TRPV3: variants seen among roughly 807,000 people sequenced by gnomAD.
The protein encoded by TRPV3 is VRL-3.
In TRPV3, 88 loss-of-function variants were observed where a neutral mutation model predicts 87.1. The ratio of observed to expected loss-of-function variants is 1.01; its 90% CI spans 0.85 to 1.21. The LOEUF is 1.21. Ranked by LOEUF, TRPV3 falls within the 50% of genes most tolerant of loss-of-function variation. The pLI, the probability that TRPV3 is intolerant of heterozygous loss-of-function variation, is 0.00. For synonymous variants in TRPV3, 438 were observed against 423.3 expected, an observed-to-expected ratio of 1.03 and a Z score of -0.43; for missense variants, 1,054 against 1,030.1, an observed-to-expected ratio of 1.02 and a Z score of -0.32.
intron 1 of TRPV3, among the ~76,000 whole-genome samples, chr17:3,555,732 G>A (rs1009090221): frequency 3.3e-5 from 5 of 152,210 alleles, no homozygotes; most frequent in Non-Finnish European, 7.3e-5. Context: ...GGAAGGACAA[G>A]CCGGGCAGAG....
At position 3,532,718 on chromosome 17, in the gene TRPV3, G is replaced by T; in HGVS notation, c.1004C>A (p.Thr335Asn). The T allele has an allele frequency of 1.2e-6, 2 of 1,614,258 alleles. No individual in the cohort carries two copies. Among genetic ancestry groups the T allele is most frequent in the Non-Finnish European group, 1.7e-6 (2 of 1,180,048 alleles). Reference protein sequence around the residue: ...LLRSGNWELETTRNNDGLTPL... With the variant: ...LLRSGNWELENTRNNDGLTPL... ...CGTGAGGCCATCGTTGTTGCGAGTG[G>T]TCTCCAGCTCCCAGTTGCCACTCCG... Residue 335 changes from threonine to asparagine, a missense_variant, in exon 8 of 18, where the codon ACC becomes AAC. Transcript: ENST00000576742.
intron 6 of TRPV3, among the ~76,000 whole-genome samples, chr17:3,538,166 G>A (rs1017970664): frequency 4.0e-5 from 6 of 151,630 alleles, no homozygotes; most frequent in African/African-American, 1.5e-4. Context: ...ACTCCAGCCT[G>A]GGCAATAGAG....
At chr17:3,554,487 C>A (rs907418377) in intron 2 of TRPV3, 2 of 398,020 alleles carry the variant, frequency 5.0e-6, no homozygotes, top group Admixed American at 9.0e-5. Context: ...CTCAGCACCC[C>A]CGATCCCTCC....
In TRPV3 at chr17:3,556,777, C is replaced by T. The variant is rs763569826; in HGVS notation, c.-3+899G>A. 4.6e-5 allele frequency among the ~76,000 whole-genome samples: 7 copies of T among 152,124 alleles called. No individual in the cohort carries two copies. Among genetic ancestry groups the T allele is most frequent in the African/African-American group, 1.4e-4 (6 of 41,440 alleles). Reference sequence around the variant, plus strand: ...CCACAGAGAGGGACTCCTGGGCACCCGGCCCTCCCGTGTCCAGTCACGGCC... The same window carrying T: ...CCACAGAGAGGGACTCCTGGGCACCTGGCCCTCCCGTGTCCAGTCACGGCC... On this transcript the variant is annotated intron_variant, in intron 1 of 17. Transcript: ENST00000576742. This position sits in a 1 kb window ranked among gnomAD's most constrained non-coding sequence, Gnocchi z 4.2.
At chr17:3,525,166 CCCG>C (rs543466872) in intron 12 of TRPV3, among the ~76,000 whole-genome samples, 1 of 129,028 alleles carries the variant, frequency 7.8e-6, no homozygotes, top group South Asian at 2.6e-4. Flanking sequence ...ATTACAGGCA[CCCG>C]CCACCACACC....
chr17:3,548,626 G>T lies in TRPV3; in HGVS notation c.120-3355C>A, dbSNP rs1182370760. Among the ~76,000 whole-genome samples, 4 of 152,382 alleles carry T rather than the reference G, an allele frequency of 2.6e-5. No individual in the cohort carries two copies. In the East Asian group the frequency reaches 7.7e-4, roughly 29 times the overall value. ...CGCTAATCCAGAAATGGGGATACAT[G>T]GGGTGGAGGGCAGTACTGGCTGCCA... is the stretch of plus-strand genomic sequence containing the variant. On this transcript the variant is annotated intron_variant, in intron 2 of 17. Transcript: ENST00000576742.
chr17:3,544,480 G>A, intron 4 of TRPV3, 99 bp downstream of exon 4: 3 of 715,888 alleles, frequency 4.2e-6, no homozygotes. Context: ...CCCCAGGAAT[G>A]GTGGATTCTT....
chr17:3,552,326 T>C, intron 2 of TRPV3: 1 of 152,190 alleles, frequency 6.6e-6, no homozygotes, highest in Non-Finnish European at 1.5e-5. Flanking sequence ...CCCAAGTAAC[T>C]GGGACTATAG....
rs1024019581 is a variant in TRPV3, at chr17:3,545,156, C to T, written c.224+11G>A. 12 of 1,607,082 alleles carry T rather than the reference C, an allele frequency of 7.5e-6. No individual in the cohort carries two copies. The highest frequency in any genetic ancestry group is 4.0e-5 in the African/African-American group (3 of 74,814). ...CCCAGGGCAAGGGGTTGGGCTGGGG[C>T]CCGTACTCACCACTGCCGGATGTTG... On this transcript the variant is annotated intron_variant, in intron 3 of 17. Coordinates refer to ENST00000576742, the MANE Select transcript of TRPV3 (RefSeq NM_145068.4).
Position 3,524,181 on chromosome 17 carries a change from C to T in TRPV3, c.1743+17G>A, listed in dbSNP as rs370858078. 3.1e-4 allele frequency: 494 copies of T among 1,611,772 alleles called. No individual in the cohort carries two copies. Among genetic ancestry groups the T allele is most frequent in the Non-Finnish European group, 3.6e-4 (429 of 1,178,650 alleles). On this transcript the variant is annotated intron_variant, in intron 13 of 17. Coordinates refer to ENST00000576742, the MANE Select transcript of TRPV3 (RefSeq NM_145068.4). Reference sequence around the variant, plus strand: ...CATCCTCCGAGGGCCCTCCCGCCGGCGCAGCTCTCAACGCACCTTCTGGAT... The same window carrying T: ...CATCCTCCGAGGGCCCTCCCGCCGGTGCAGCTCTCAACGCACCTTCTGGAT...
At chr17:3,538,275 T>A (rs2074426796) in intron 6 of TRPV3, among the ~76,000 whole-genome samples, 1 of 151,832 alleles carries the variant, frequency 6.6e-6, no homozygotes, top group African/African-American at 2.4e-5. Flanking sequence ...ACAAACAGTC[T>A]AAAAGAAAAC....
Position 3,554,774 on chromosome 17 carries a change from A to G in TRPV3, c.77T>C (p.Leu26Pro), listed in dbSNP as rs1217465332. 2 of 1,613,024 alleles carry G rather than the reference A, an allele frequency of 1.2e-6. No homozygotes were observed. The highest frequency in any genetic ancestry group is 1.7e-6 in the Non-Finnish European group (2 of 1,179,598). The change falls in exon 2 of 18, where the codon CTG (leucine) becomes CCG (proline). Residue 26 changes from leucine to proline, a missense_variant. Transcript: ENST00000576742. Reference protein sequence around the residue: ...VAAPSGNPAILPEKRPAEITP... With the variant: ...VAAPSGNPAIPPEKRPAEITP... Reference sequence around the variant, plus strand: ...GATCTCCGCCGGCCTCTTCTCTGGCAGGATGGCAGGGTTCCCACTGGGGGC... The same window carrying G: ...GATCTCCGCCGGCCTCTTCTCTGGCGGGATGGCAGGGTTCCCACTGGGGGC...
chr17:3,541,309 A>T (rs900307730), intron 6 of TRPV3, among the ~76,000 whole-genome samples: 1 of 152,230 alleles, frequency 6.6e-6, no homozygotes, highest in Non-Finnish European at 1.5e-5. Flanking sequence ...CAGAGGTTGC[A>T]GTGAGCCAAG....
chr17:3,529,768 A>C (rs2074331737), intron 9 of TRPV3, among the ~76,000 whole-genome samples: 2 of 151,596 alleles, frequency 1.3e-5, no homozygotes, highest in African/African-American at 4.8e-5. Context: ...TACTCGGTCC[A>C]GAAGACCTCC....
At chr17:3,515,781 G>A (rs1277754439) in intron 16 of TRPV3, among the ~76,000 whole-genome samples, 4 of 152,070 alleles carry the variant, frequency 2.6e-5, no homozygotes, top group African/African-American at 9.7e-5. Flanking sequence ...CAAGTCACCC[G>A]GGGTCACAGG....
At chr17:3,514,803 CT>C (rs1301901773) in intron 16 of TRPV3, 131 bp from the exon 17 acceptor site, 11 of 679,044 alleles carry the variant, frequency 1.6e-5, no homozygotes, top group Non-Finnish European at 2.5e-5. Flanking sequence ...AGGAGCACCC[CT>C]GACCCGAGGG....
intron 13 of TRPV3, among the ~76,000 whole-genome samples, chr17:3,522,488 C>T (rs768827385): frequency 5.9e-5 from 9 of 152,134 alleles, no homozygotes; most frequent in East Asian, 1.9e-4. Flanking sequence ...CTCACTATGC[C>T]TAATTGATAA....
At chr17:3,536,674 C>T (rs1161661305) in intron 6 of TRPV3, among the ~76,000 whole-genome samples, 1 of 152,134 alleles carries the variant, frequency 6.6e-6, no homozygotes, top group East Asian at 1.9e-4. Flanking sequence ...AAGGAGGAAG[C>T]CCAAAGACCC....
chr17:3,514,079 T>C, intron 17 of TRPV3, 68 bp from the exon 18 acceptor site: 1 of 1,349,004 alleles, frequency 7.4e-7, no homozygotes, highest in Non-Finnish European at 1.0e-6. Context: ...TTTTTCTTTT[T>C]CTTTTTTTTC....
Sources: gnomAD v4.1 joint callset for allele counts (sites outside exome capture counted in the v4.1 genomes callset) on GRCh38, gnomAD v4.1.1 for gene constraint, Gnocchi (gnomAD v3.1) non-coding constraint, MANE v1.5 for transcripts, NCBI Gene and HGNC (gene_info 2026-07-23, HGNC 2026-07-21) for gene names.